The following CMTM2 variants were observed in gnomAD, a reference collection of about 807,000 sequenced individuals.
CMTM2 encodes the protein CKLF-like MARVEL transmembrane domain-containing protein 2.
CMTM2 carries 15 observed loss-of-function variants against 16.8 expected under a neutral mutation model. The ratio of observed to expected loss-of-function variants is 0.89; its 90% CI spans 0.60 to 1.37. The LOEUF (loss-of-function observed/expected upper bound fraction) is 1.37. CMTM2 is among the 40% of genes most tolerant of loss of function. The pLI, the probability that CMTM2 is intolerant of heterozygous loss-of-function variation, is 0.00. For missense variants in CMTM2, 282 were observed against 318.0 expected, an observed-to-expected ratio of 0.89 and a Z score of 0.86; for synonymous variants, 117 against 118.7, an observed-to-expected ratio of 0.99 and a Z score of 0.09.
chr16:66,585,720 G>A lies in CMTM2; in HGVS notation c.445-1277G>A, dbSNP rs1178864502. 3.9e-5 allele frequency among the ~76,000 whole-genome samples: 6 copies of A among 152,286 alleles called. No homozygotes were observed. In the South Asian group the frequency reaches 8.3e-4, roughly 21 times the overall value. ...GGCCTAAAGGGGACGTTGGCAAGAC[G>A]TTAACATCTGTTAAATGTCAGTGGC... On this transcript the variant is annotated intron_variant, in intron 2 of 3. Transcript: ENST00000268595.
At chr16:66,580,464 G>C (rs1456606008) in intron 2 of CMTM2, 4 of 408,888 alleles carry the variant, frequency 9.8e-6, no homozygotes, top group African/African-American at 2.0e-5. Context: ...TTCTCTTTAG[G>C]GGAAGGGGAG....
chr16:66,580,083 A>G lies in CMTM2; in HGVS notation c.343A>G (p.Arg115Gly), dbSNP rs2014700300. Residue 115 changes from arginine to glycine, a missense_variant, in exon 2 of 4, where the codon AGG (arginine) becomes GGG (glycine). By Grantham distance (125) the Arg-to-Gly change is moderately radical. Transcript: ENST00000268595. ...CTCACTCACCGTGCACCCCATCTTG[A>G]GGCTTATCATCACCATGGAGATATC... is the stretch of plus-strand genomic sequence containing the variant. ...LSSLTVHPIL[R>G]LIITMEISFF... is the part of the protein sequence containing the mutation. The G allele has an allele frequency of 6.2e-7, 1 of 1,614,048 alleles. No individual in the cohort carries two copies. The highest frequency in any genetic ancestry group is 1.3e-5 in the African/African-American group (1 of 74,912).
rs112435070 is a variant in CMTM2, at chr16:66,583,222, G to C, written c.444+3038G>C. On this transcript the variant is annotated intron_variant, in intron 2 of 3. Coordinates refer to ENST00000268595, the MANE Select transcript of CMTM2 (RefSeq NM_144673.3). ...ATAGGATTTTTTTGGCTGGGCACGG[G>C]GGCTCACAGCTGTACTCCCAGCACT... is the stretch of plus-strand genomic sequence containing the variant. Among the ~76,000 whole-genome samples, 1,181 of 151,974 alleles carry C rather than the reference G, an allele frequency of 7.8e-3. 17 individuals carry two copies. The highest frequency in any genetic ancestry group is 0.027 in the African/African-American group (1,131 of 41,454).
intron 2 of CMTM2, among the ~76,000 whole-genome samples, chr16:66,585,635 G>A (rs1316737912): frequency 6.6e-6 from 1 of 152,176 alleles, no homozygotes; most frequent in East Asian, 1.9e-4. Context: ...GACAGGAAAA[G>A]GGAAGGAAGC....
Position 66,579,868 on chromosome 16 carries a change from C to G in CMTM2, c.261C>G (p.His87Gln). The change falls in exon 1 of 4, where the codon CAC (histidine) becomes CAG (glutamine). Residue 87 changes from histidine (H) to glutamine (Q), a missense_variant. Transcript: ENST00000268595. The surrounding 1 kb of genome is among the most constrained non-coding windows in gnomAD (Gnocchi z 6.5). ...DSNKEFWLLGHAEIKIRSLGC... is the reference protein window; with the variant it reads ...DSNKEFWLLGQAEIKIRSLGC... ...ATAAAGAGTTCTGGCTCTTGGGGCACGCTGAGATCAAGATTCGGAGTTTGG... is the reference window on the plus strand; with the variant it reads ...ATAAAGAGTTCTGGCTCTTGGGGCAGGCTGAGATCAAGATTCGGAGTTTGG... The G allele has an allele frequency of 5.6e-6, 9 of 1,611,272 alleles. No individual in the cohort carries two copies. Among genetic ancestry groups the G allele is most frequent in the Non-Finnish European group, 7.6e-6 (9 of 1,178,778 alleles).
chr16:66,585,818 A>G (rs1487363956), intron 2 of CMTM2, among the ~76,000 whole-genome samples: 1 of 152,206 alleles, frequency 6.6e-6, no homozygotes, highest in Admixed American at 6.5e-5. Context: ...ATGTATCAAA[A>G]TTCAAAACAT....
chr16:66,582,884 T>TAAATA (rs776442293), intron 2 of CMTM2, among the ~76,000 whole-genome samples: 1 of 151,742 alleles, frequency 6.6e-6, no homozygotes, highest in Non-Finnish European at 1.5e-5. Context: ...AAAAAATAAA[T>TAAATA]AAATAAAATA....
intron 2 of CMTM2, among the ~76,000 whole-genome samples, chr16:66,585,053 TCTCCTGCCTCAGC>T (rs1370179693): frequency 6.6e-6 from 1 of 151,928 alleles, no homozygotes; most frequent in African/African-American, 2.4e-5. Flanking sequence ...TTCAAGTGAT[TCTCCTGCCTCAGC>T]CTCTTGAGTA....
chr16:66,588,135 TG>T lies in CMTM2; in HGVS notation c.*18del. The T allele has an allele frequency of 1.2e-6, 2 of 1,610,774 alleles. No individual in the cohort carries two copies. The highest frequency in any genetic ancestry group is 1.7e-6 in the Non-Finnish European group (2 of 1,178,802). On this transcript the variant is annotated 3_prime_UTR_variant, in exon 4 of 4. Coordinates refer to ENST00000268595, the MANE Select transcript of CMTM2 (RefSeq NM_144673.3). ...AAAGAAATGACTTGGAGGAGGCTCC[TG>T]GTGTCTGAAACGGCAGTGTATTTTA...
At chr16:66,580,300 T>A in intron 2 of CMTM2, 116 bp downstream of exon 2, 1 of 1,150,188 alleles carries the variant, frequency 8.7e-7, no homozygotes, top group Non-Finnish European at 1.3e-6. Context: ...TGTGCCTGGG[T>A]CAGGGACTCA....
At chr16:66,582,455 C>T (rs542769303) in intron 2 of CMTM2, among the ~76,000 whole-genome samples, 4 of 152,240 alleles carry the variant, frequency 2.6e-5, no homozygotes, top group Non-Finnish European at 4.4e-5. Context: ...AATCCCAGCA[C>T]GTTGGGAGGC....
intron 2 of CMTM2, among the ~76,000 whole-genome samples, chr16:66,584,374 GCT>G (rs1207431650): frequency 3.3e-5 from 5 of 151,994 alleles, no homozygotes; most frequent in African/African-American, 1.2e-4. Context: ...TCTCCCGCTT[GCT>G]CTCTCTCTAC....
chr16:66,587,152 G>A (rs2014803170), intron 3 of CMTM2, 54 bp downstream of exon 3: 1 of 1,347,796 alleles, frequency 7.4e-7, no homozygotes, highest in Non-Finnish European at 1.1e-6. Flanking sequence ...TTCTTTTGGA[G>A]GATGGGTGTT....
chr16:66,581,983 G>A (rs761817011), intron 2 of CMTM2, among the ~76,000 whole-genome samples: 3 of 151,942 alleles, frequency 2.0e-5, no homozygotes, highest in Non-Finnish European at 2.9e-5. Context: ...CACAGTGGGG[G>A]TGGGGGGAAA....
intron 3 of CMTM2, 108 bp from the exon 4 acceptor site, chr16:66,587,811 C>A: frequency 9.2e-7 from 1 of 1,085,404 alleles, no homozygotes; most frequent in Non-Finnish European, 1.4e-6. Flanking sequence ...TTTGAGGGGA[C>A]ATGGGGGATG....
Position 66,588,126 on chromosome 16 carries a change from G to A in CMTM2, c.*7G>A. The stretch of plus-strand genomic sequence containing the variant: ...AGCAAAGGGAAAGAAATGACTTGGA[G>A]GAGGCTCCTGGTGTCTGAAACGGCA... On this transcript the variant is annotated 3_prime_UTR_variant, in exon 4 of 4. Coordinates refer to ENST00000268595, the MANE Select transcript of CMTM2 (RefSeq NM_144673.3). 1.1e-5 allele frequency: 17 copies of A among 1,612,118 alleles called. No homozygotes were observed. Among genetic ancestry groups the A allele is most frequent in the Non-Finnish European group, 1.4e-5 (17 of 1,179,792 alleles).
chr16:66,588,191 C>A lies in CMTM2; in HGVS notation c.*72C>A. ...AATATGTTTCCACTCTCTTCCTTGT[C>A]TTCTTTCTGGAATGGTTTTCTTTTC... On this transcript the variant is annotated 3_prime_UTR_variant, in exon 4 of 4. Transcript: ENST00000268595. 7.2e-7 allele frequency: 1 copy of A among 1,383,064 alleles called. No individual in the cohort carries two copies. The highest frequency in any genetic ancestry group is 1.0e-6 in the Non-Finnish European group (1 of 994,236). 85.7% of individuals were successfully genotyped at this position (1,383,064 alleles called of 1,614,324 possible). A position where few individuals can be genotyped will look rare whatever the true frequency, so the allele number is the denominator to read the frequency against.
At chr16:66,584,040 G>A (rs1485275161) in intron 2 of CMTM2, among the ~76,000 whole-genome samples, 1 of 152,060 alleles carries the variant, frequency 6.6e-6, no homozygotes, top group Non-Finnish European at 1.5e-5. Context: ...AGTGTCTTTT[G>A]TTTGTTTGTT....
intron 2 of CMTM2, among the ~76,000 whole-genome samples, chr16:66,586,037 G>C (rs2144705568): frequency 6.6e-6 from 1 of 152,298 alleles, no homozygotes; most frequent in South Asian, 2.1e-4. Flanking sequence ...GCAATGCCTT[G>C]TCACTAGCAG....
Sources: allele counts gnomAD v4.1 joint callset (sites outside exome capture counted in the v4.1 genomes callset), GRCh38; gene constraint gnomAD v4.1.1; non-coding constraint Gnocchi (gnomAD v3.1); transcripts MANE v1.5; gene names NCBI Gene and HGNC (gene_info 2026-07-23, HGNC 2026-07-21).